IHO1: variants seen among roughly 807,000 people sequenced by gnomAD.
IHO1 encodes interactor of HORMAD1 protein 1.
IHO1 carries 13 observed loss-of-function variants against 31.0 expected under a neutral mutation model. The ratio of observed to expected loss-of-function variants is 0.42; its 90% CI spans 0.27 to 0.67. The LOEUF is 0.67. Ranked by LOEUF, IHO1 falls within the 30% of genes least tolerant of loss-of-function variation. The pLI, the probability that IHO1 is intolerant of heterozygous loss-of-function variation, is 0.24. For synonymous variants in IHO1, 221 were observed against 248.4 expected (o/e 0.89, Z 1.04); for missense variants, 599 against 687.5 (o/e 0.87, Z 1.44).
At chr3:49,238,902 C>A (rs1559448878) in intron 3 of IHO1, among the ~76,000 whole-genome samples, 1 of 152,176 alleles carries the variant, frequency 6.6e-6, no homozygotes, top group Non-Finnish European at 1.5e-5. Flanking sequence ...GAGCACATTC[C>A]TTGAGGGCTC....
intron 2 of IHO1, among the ~76,000 whole-genome samples, chr3:49,213,663 C>T (rs1029698807): frequency 6.6e-6 from 1 of 152,224 alleles, no homozygotes; most frequent in African/African-American, 2.4e-5. Flanking sequence ...CCCGGTGCAC[C>T]CTCCACAGCT....
intron 2 of IHO1, among the ~76,000 whole-genome samples, chr3:49,214,630 ATATT>A (rs1193758276): frequency 7.0e-5 from 1 of 14,232 alleles, no homozygotes; most frequent in African/African-American, 2.6e-4. Flanking sequence ...ATATATATAT[ATATT>A]TTTTTTTTTT....
chr3:49,196,282 G>A (rs748555454), upstream of IHO1, among the ~76,000 whole-genome samples: 4 of 150,268 alleles, frequency 2.7e-5, no homozygotes, highest in Non-Finnish European at 5.9e-5. Context: ...ATGGTATCAG[G>A]GAGGACCGAA....
chr3:49,216,182 C>T (rs1213365620), intron 2 of IHO1, among the ~76,000 whole-genome samples: 1 of 152,068 alleles, frequency 6.6e-6, no homozygotes, highest in African/African-American at 2.4e-5. Flanking sequence ...TAACAGGGAC[C>T]AGTTTGTGGA....
upstream of IHO1, among the ~76,000 whole-genome samples, chr3:49,195,489 G>A (rs1003070298): frequency 2.7e-5 from 4 of 150,848 alleles, no homozygotes; most frequent in Admixed American, 6.6e-5. Context: ...AGGCCAAGGC[G>A]GGCAGATCAT....
chr3:49,211,744 A>G, intron 1 of IHO1, 22 bp from the exon 2 acceptor site: 1 of 1,131,384 alleles, frequency 8.8e-7, no homozygotes. Context: ...CTTTCTTAAT[A>G]TTCACCTATT....
At chr3:49,208,210 A>C in intron 1 of IHO1, among the ~76,000 whole-genome samples, 1 of 152,206 alleles carries the variant, frequency 6.6e-6, no homozygotes, top group East Asian at 1.9e-4. Context: ...GCAGACCTCC[A>C]TTACAATGCA....
chr3:49,251,247 A>C (rs1323500655), intron 6 of IHO1, among the ~76,000 whole-genome samples: 1 of 147,792 alleles, frequency 6.8e-6, no homozygotes, highest in Non-Finnish European at 1.5e-5. Flanking sequence ...CAGCCTCCTG[A>C]GTAGCTGGGA....
At chr3:49,217,617 A>T (rs1245930623) in intron 2 of IHO1, among the ~76,000 whole-genome samples, 1 of 151,008 alleles carries the variant, frequency 6.6e-6, no homozygotes, top group East Asian at 2.0e-4. Flanking sequence ...CGTTGTGCAC[A>T]TGTACCCTAG....
At chr3:49,207,786 T>C (rs2046158612) in intron 1 of IHO1, among the ~76,000 whole-genome samples, 1 of 151,854 alleles carries the variant, frequency 6.6e-6, no homozygotes. Context: ...TCTTTTTTTT[T>C]TTTTTGAGAT....
intron 3 of IHO1, 130 bp downstream of exon 3, chr3:49,236,852 C>A: frequency 1.3e-6 from 1 of 787,854 alleles, no homozygotes; most frequent in Non-Finnish European, 1.9e-6. Flanking sequence ...GAGGCTGAGG[C>A]AAGTGGATCC....
rs897427265 is a variant in IHO1 at position 49,206,348 on chromosome 3, G to A, written c.-15-5418G>A. Among the ~76,000 whole-genome samples the A allele has an allele frequency of 4.0e-5, 6 of 151,690 alleles. No individual in the cohort carries two copies. The East Asian group carries it at 5.9e-4, about 15-fold the overall frequency. On this transcript the variant is annotated intron_variant, in intron 1 of 7. Transcript: ENST00000452691. ...CTTGACCTCGTGATCCGCCCACCTC[G>A]GCCTCCCAAAGTTCTGGGATTACAG...
At chr3:49,220,405 C>T (rs1238263303) in intron 2 of IHO1, among the ~76,000 whole-genome samples, 5 of 152,184 alleles carry the variant, frequency 3.3e-5, no homozygotes, top group Non-Finnish European at 4.4e-5. Context: ...GGAATGAAGC[C>T]GCAGACCTTA....
At chr3:49,229,610 A>C (rs188346932) in intron 2 of IHO1, among the ~76,000 whole-genome samples, 17 of 152,158 alleles carry the variant, frequency 1.1e-4, no homozygotes, top group Non-Finnish European at 2.2e-4. Flanking sequence ...ACTGATAAAC[A>C]TCATACCTGT....
chr3:49,228,381 A>G (rs1281769297), intron 2 of IHO1: 1 of 444,838 alleles, frequency 2.2e-6, no homozygotes, highest in East Asian at 7.2e-5. Flanking sequence ...CCTGACAGCC[A>G]TGTCTTTAGT....
chr3:49,217,091 A>G (rs948498788), intron 2 of IHO1, among the ~76,000 whole-genome samples: 4 of 152,218 alleles, frequency 2.6e-5, no homozygotes, highest in Non-Finnish European at 5.9e-5. Flanking sequence ...CAATTCCTCA[A>G]GGATCTGGAA....
At chr3:49,243,533 C>A (rs56100140) in intron 4 of IHO1, among the ~76,000 whole-genome samples, 6 of 151,688 alleles carry the variant, frequency 4.0e-5, no homozygotes, top group Non-Finnish European at 7.4e-5. Context: ...CCGAGGCAGG[C>A]GGATCACGAG....
At chr3:49,191,827 CT>C in the IHO1 span, 7 of 1,515,916 alleles carry the variant, frequency 4.6e-6, no homozygotes, top group East Asian at 1.5e-4. Flanking sequence ...TGGAGGGTAT[CT>C]TCAGGAAAGA....
At chr3:49,208,266 C>T (rs2107683285) in intron 1 of IHO1, among the ~76,000 whole-genome samples, 1 of 152,338 alleles carries the variant, frequency 6.6e-6, no homozygotes, top group South Asian at 2.1e-4. Flanking sequence ...GGCCCCGGAC[C>T]AGTACCAGTC....
Sources: gnomAD v4.1 joint callset for allele counts (sites outside exome capture counted in the v4.1 genomes callset) on GRCh38, gnomAD v4.1.1 for gene constraint, MANE v1.5 for transcripts, NCBI Gene and HGNC (gene_info 2026-07-23, HGNC 2026-07-21) for gene names.